LOC400499: variants seen among roughly 807,000 people sequenced by gnomAD.
chr16:11,411,727 G>A, the LOC400499 span, among the ~76,000 whole-genome samples: 1 of 152,132 alleles, frequency 6.6e-6, no homozygotes, highest in East Asian at 1.9e-4. Flanking sequence ...TCCCATGGGA[G>A]TCCCAGCAGG....
At chr16:11,495,807 G>C in the LOC400499 span, among the ~76,000 whole-genome samples, 3 of 152,222 alleles carry the variant, frequency 2.0e-5, no homozygotes, top group African/African-American at 7.2e-5. Context: ...AGGAAGCTGA[G>C]ACACAGAAAG....
the LOC400499 span, among the ~76,000 whole-genome samples, chr16:11,524,641 C>A: frequency 2.0e-5 from 3 of 152,178 alleles, no homozygotes; most frequent in African/African-American, 4.8e-5. Flanking sequence ...ACAACCAGGG[C>A]ATGAGCAGAT....
At chr16:11,413,610 C>G in the LOC400499 span, among the ~76,000 whole-genome samples, 1 of 152,118 alleles carries the variant, frequency 6.6e-6, no homozygotes, top group Non-Finnish European at 1.5e-5. Flanking sequence ...AAGTCTGAGT[C>G]CCTATTTTGC....
chr16:11,457,743 T>C, the LOC400499 span, among the ~76,000 whole-genome samples: 1 of 152,036 alleles, frequency 6.6e-6, no homozygotes, highest in Non-Finnish European at 1.5e-5. Flanking sequence ...TTATTCACAA[T>C]AGCCAAAAAA....
chr16:11,501,642 G>A, the LOC400499 span, among the ~76,000 whole-genome samples: 489 of 152,162 alleles, frequency 3.2e-3, 3 homozygotes, highest in African/African-American at 0.011. Flanking sequence ...CTGAGATTGG[G>A]AGTCTCTTTA....
At chr16:11,382,980 C>T in the LOC400499 span, among the ~76,000 whole-genome samples, 12 of 151,944 alleles carry the variant, frequency 7.9e-5, no homozygotes, top group South Asian at 6.2e-4. Context: ...TGTACAAGCA[C>T]GCCTCCAGCA....
chr16:11,504,648 T>TG, the LOC400499 span, among the ~76,000 whole-genome samples: 1 of 151,420 alleles, frequency 6.6e-6, no homozygotes, highest in African/African-American at 2.4e-5. Flanking sequence ...TAAGGCTGGG[T>TG]GCAGTGGCTC....
the LOC400499 span, among the ~76,000 whole-genome samples, chr16:11,483,119 G>A: frequency 6.6e-6 from 1 of 152,096 alleles, no homozygotes; most frequent in Non-Finnish European, 1.5e-5. Flanking sequence ...ATACCACAAC[G>A]CATTATTAGA....
the LOC400499 span, among the ~76,000 whole-genome samples, chr16:11,483,284 T>C: frequency 6.6e-6 from 1 of 152,184 alleles, no homozygotes; most frequent in Non-Finnish European, 1.5e-5. Context: ...ATACCTACCA[T>C]ATGATCTAGC....
chr16:11,500,325 T>C, the LOC400499 span, among the ~76,000 whole-genome samples: 5 of 152,018 alleles, frequency 3.3e-5, no homozygotes, highest in African/African-American at 7.2e-5. Flanking sequence ...CTGGCCAACA[T>C]GGCGAAACCC....
chr16:11,445,275 G>A, the LOC400499 span, among the ~76,000 whole-genome samples: 1 of 152,028 alleles, frequency 6.6e-6, no homozygotes, highest in Non-Finnish European at 1.5e-5. Flanking sequence ...ACAAAAATTA[G>A]CCAGGAGTGG....
chr16:11,417,063 C>T, the LOC400499 span, among the ~76,000 whole-genome samples: 22,726 of 152,046 alleles, frequency 0.15, 2,212 homozygotes, highest in African/African-American at 0.28. Flanking sequence ...TTTTATCTTC[C>T]CACCATAATG....
At chr16:11,494,448 A>C in the LOC400499 span, 13 of 385,032 alleles carry the variant, frequency 3.4e-5, no homozygotes, top group Admixed American at 4.5e-5. Flanking sequence ...GGAAGGGGGA[A>C]TGAGGGATAG....
the LOC400499 span, among the ~76,000 whole-genome samples, chr16:11,410,023 A>T: frequency 2.6e-5 from 4 of 152,218 alleles, no homozygotes; most frequent in African/African-American, 9.6e-5. Flanking sequence ...TACCACCTGT[A>T]GTCCCAGCTA....
the LOC400499 span, among the ~76,000 whole-genome samples, chr16:11,509,657 C>G: frequency 1.6e-4 from 24 of 151,804 alleles, no homozygotes; most frequent in South Asian, 4.4e-3. Context: ...ATGGTGAAAC[C>G]TGTCTCTATT....
the LOC400499 span, among the ~76,000 whole-genome samples, chr16:11,497,806 G>T: frequency 6.8e-6 from 1 of 147,786 alleles, no homozygotes; most frequent in South Asian, 2.2e-4. Flanking sequence ...GCAAAGAGAA[G>T]AACAAACAAT....
chr16:11,514,368 C>G, the LOC400499 span: 2 of 399,086 alleles, frequency 5.0e-6, no homozygotes, highest in African/African-American at 2.1e-5. Context: ...CCTGTGCCCG[C>G]TGGATCTTGG....
the LOC400499 span, among the ~76,000 whole-genome samples, chr16:11,504,552 T>TCCC: frequency 2.1e-5 from 3 of 142,904 alleles, no homozygotes; most frequent in Non-Finnish European, 3.1e-5. Flanking sequence ...CGAGACTCCG[T>TCCC]CCCCCCCCCC....
the LOC400499 span, chr16:11,383,950 T>C: frequency 1.6e-6 from 2 of 1,231,846 alleles, no homozygotes; most frequent in Admixed American, 4.2e-5. Context: ...GGCGGGGAGC[T>C]GTCCCGGGCA....
Sources: gnomAD v4.1 joint callset for allele counts (sites outside exome capture counted in the v4.1 genomes callset) on GRCh38, gnomAD v4.1.1 for gene constraint, MANE v1.5 for transcripts.